Variants in CACHD1 observed in about 807,000 individuals in gnomAD.
The protein encoded by CACHD1 is cache domain containing 1.
CACHD1 carries 71 observed loss-of-function variants against 138.7 expected under a neutral mutation model. The observed-to-expected ratio is 0.51, with a 90% confidence interval of 0.42 to 0.62. The LOEUF (loss-of-function observed/expected upper bound fraction) is 0.62, where lower values mean the gene tolerates loss of function less well. Ranked by LOEUF, CACHD1 falls within the 20% of genes least tolerant of loss-of-function variation. The pLI, the probability that CACHD1 is intolerant of heterozygous loss-of-function variation, is 0.00. For synonymous variants in CACHD1, 578 were observed against 591.5 expected, an observed-to-expected ratio of 0.98 and a Z score of 0.33; for missense variants, 1,389 against 1,625.3, an observed-to-expected ratio of 0.85 and a Z score of 2.50.
intron 20 of CACHD1, 46 bp from the exon 21 acceptor site, chr1:64,675,851 G>T: frequency 1.6e-6 from 2 of 1,240,108 alleles, no homozygotes; most frequent in Non-Finnish European, 1.1e-6. Context: ...ACAACTTACA[G>T]TTTGCCATTG....
rs756285910 is a variant in CACHD1 at position 64,671,568 on chromosome 1, C to G, written c.2392C>G (p.Gln798Glu). The G allele has an allele frequency of 6.2e-7, 1 of 1,614,018 alleles. No individual in the cohort carries two copies. The highest frequency in any genetic ancestry group is 8.5e-7 in the Non-Finnish European group (1 of 1,179,908). The change falls in exon 17 of 27, where the codon CAG (glutamine) becomes GAG (glutamate). Residue 798 changes from glutamine to glutamate, a missense_variant. Gln to Glu is a conservative substitution (Grantham distance 29). Around this residue, in one of 5 missense-constraint regions of CACHD1, gnomAD observed 1,000 missense variants for 1,114.7 expected, o/e 0.90. Coordinates refer to ENST00000651257, the MANE Select transcript of CACHD1 (RefSeq NM_020925.4). Reference protein sequence around the residue: ...ISHTIHSSSTQLSSGHTVAVM... With the variant: ...ISHTIHSSSTELSSGHTVAVM... The stretch of plus-strand genomic sequence containing the variant: ...ATTGATCTTTTTCACTTAAAGTACA[C>G]AGCTGTCTTCTGGGCACACTGTGGC...
At chr1:64,626,709 A>G (rs1648113353) in intron 4 of CACHD1, among the ~76,000 whole-genome samples, 1 of 152,108 alleles carries the variant, frequency 6.6e-6, no homozygotes, top group Non-Finnish European at 1.5e-5. Flanking sequence ...AGTCCACCAT[A>G]CTTTGTAGAA....
At chr1:64,650,919 C>A (rs1282547426) in intron 9 of CACHD1, among the ~76,000 whole-genome samples, 2 of 152,080 alleles carry the variant, frequency 1.3e-5, no homozygotes, top group Non-Finnish European at 2.9e-5. Flanking sequence ...GCCCCCAACC[C>A]CAGCCATCTG....
chr1:64,668,659 CAG>C (rs1445775024), intron 16 of CACHD1, among the ~76,000 whole-genome samples: 1 of 152,242 alleles, frequency 6.6e-6, no homozygotes, highest in East Asian at 1.9e-4. Context: ...CTGAGTCACT[CAG>C]TGAGTGTATA....
intron 1 of CACHD1, among the ~76,000 whole-genome samples, chr1:64,486,031 A>C (rs1412258805): frequency 2.0e-5 from 3 of 152,144 alleles, no homozygotes; most frequent in African/African-American, 7.2e-5. Context: ...AACTTGGTAG[A>C]ATCTGTCATT....
At chr1:64,599,764 C>G (rs979456863) in intron 3 of CACHD1, among the ~76,000 whole-genome samples, 2 of 152,008 alleles carry the variant, frequency 1.3e-5, no homozygotes, top group Admixed American at 1.3e-4. Context: ...CCCTGATGTC[C>G]CTGGTCCCAC....
At chr1:64,480,056 T>C (rs1288289352) in intron 1 of CACHD1, among the ~76,000 whole-genome samples, 1 of 152,224 alleles carries the variant, frequency 6.6e-6, no homozygotes. Context: ...TCCCTGCTTC[T>C]GCTCCAAAGA....
chr1:64,664,551 G>A lies in CACHD1; in HGVS notation c.2148G>A (p.Met716Ile). Residue 716 changes from methionine (M) to isoleucine (I), a missense_variant, in exon 15 of 27, where the codon ATG becomes ATA. Physicochemically the swap from Met to Ile is conservative, Grantham distance 10. This residue lies in a region of CACHD1 where 1,000 missense variants were observed against 1,114.7 expected (regional missense o/e 0.90). Transcript: ENST00000651257. ...CCAGCCACGTCACAGATGAATGGATGACACAAATGGAAATGAGTAGCCTGA... is the reference window on the plus strand; with the variant it reads ...CCAGCCACGTCACAGATGAATGGATAACACAAATGGAAATGAGTAGCCTGA... ...MATSHVTDEW[M>I]TQMEMSSLNT... 1 of 1,614,200 alleles carries A rather than the reference G, an allele frequency of 6.2e-7. No homozygotes were observed. The highest frequency in any genetic ancestry group is 8.5e-7 in the Non-Finnish European group (1 of 1,180,024).
intron 3 of CACHD1, among the ~76,000 whole-genome samples, chr1:64,600,284 G>T (rs908109553): frequency 2.6e-5 from 4 of 152,190 alleles, no homozygotes; most frequent in Non-Finnish European, 5.9e-5. Flanking sequence ...ATTTCTAAAA[G>T]AATCTGCATA....
intron 1 of CACHD1, among the ~76,000 whole-genome samples, chr1:64,539,076 C>T (rs536910374): frequency 2.0e-5 from 3 of 152,240 alleles, no homozygotes; most frequent in Non-Finnish European, 4.4e-5. Context: ...GTCAGAGCCT[C>T]TCAAGCATCA....
chr1:64,490,108 C>G (rs1646266132), intron 1 of CACHD1, among the ~76,000 whole-genome samples: 1 of 152,190 alleles, frequency 6.6e-6, no homozygotes, highest in South Asian at 2.1e-4. Flanking sequence ...TGCCCACTTT[C>G]AATGTCGCCC....
chr1:64,663,873 C>G (rs767771231), intron 14 of CACHD1, 36 bp downstream of exon 14: 1 of 1,613,172 alleles, frequency 6.2e-7, no homozygotes, highest in Admixed American at 1.7e-5. Flanking sequence ...TCTGGTGTCC[C>G]CCTCCACAGG....
At chr1:64,477,637 T>A (rs1161138647) in intron 1 of CACHD1, among the ~76,000 whole-genome samples, 3 of 142,710 alleles carry the variant, frequency 2.1e-5, no homozygotes, top group South Asian at 4.2e-4. Flanking sequence ...TTATTTTATT[T>A]TTTTTTTTGA....
At chr1:64,496,160 C>T (rs1254983248) in intron 1 of CACHD1, among the ~76,000 whole-genome samples, 1 of 152,156 alleles carries the variant, frequency 6.6e-6, no homozygotes, top group African/African-American at 2.4e-5. Flanking sequence ...CAGGCCTATC[C>T]TTTGAAATTT....
chr1:64,670,486 C>A (rs551717679), intron 16 of CACHD1, among the ~76,000 whole-genome samples: 2 of 152,298 alleles, frequency 1.3e-5, no homozygotes, highest in Non-Finnish European at 2.9e-5. Flanking sequence ...GGGTAAACTG[C>A]AAATTCTCAG....
At chr1:64,505,506 G>T (rs1646365770) in intron 1 of CACHD1, among the ~76,000 whole-genome samples, 2 of 151,762 alleles carry the variant, frequency 1.3e-5, no homozygotes, top group Non-Finnish European at 2.9e-5. Context: ...GCATAAAATC[G>T]CTGTAGCCAG....
chr1:64,483,089 A>G (rs886791085), intron 1 of CACHD1, among the ~76,000 whole-genome samples: 1 of 152,216 alleles, frequency 6.6e-6, no homozygotes, highest in African/African-American at 2.4e-5. Context: ...AATTACCAGG[A>G]AATGTCTAGG....
intron 2 of CACHD1, among the ~76,000 whole-genome samples, chr1:64,563,383 G>A (rs1377614281): frequency 9.3e-6 from 1 of 107,390 alleles, no homozygotes; most frequent in Non-Finnish European, 2.1e-5. Flanking sequence ...TACACTCAAG[G>A]CTCTAGACAT....
intron 1 of CACHD1, among the ~76,000 whole-genome samples, chr1:64,486,613 T>C (rs1646244856): frequency 6.6e-6 from 1 of 152,216 alleles, no homozygotes; most frequent in African/African-American, 2.4e-5. Flanking sequence ...GCTGTGAGTT[T>C]TGCAGTTCTT....
Sources: gnomAD v4.1 joint callset for allele counts (sites outside exome capture counted in the v4.1 genomes callset) on GRCh38, gnomAD v4.1.1 for gene constraint, gnomAD v4.1.1 regional missense constraint, MANE v1.5 for transcripts, NCBI Gene and HGNC (gene_info 2026-07-23, HGNC 2026-07-21) for gene names.